The following NDUFA5 variants were observed in gnomAD, a reference collection of about 807,000 sequenced individuals.
NDUFA5 encodes NADH dehydrogenase [ubiquinone] 1 alpha subcomplex subunit 5.
NDUFA5 carries 11 observed loss-of-function variants against 19.8 expected under a neutral mutation model. The ratio of observed to expected loss-of-function variants is 0.56; its 90% CI spans 0.35 to 0.92. NDUFA5 has a LOEUF of 0.92. Ranked by LOEUF, NDUFA5 falls within the 40% of genes least tolerant of loss-of-function variation. The pLI, the probability that NDUFA5 is intolerant of heterozygous loss-of-function variation, is 0.01. For synonymous variants in NDUFA5, 47 were observed against 46.8 expected, an observed-to-expected ratio of 1.00 and a Z score of -0.01; for missense variants, 109 against 134.2, an observed-to-expected ratio of 0.81 and a Z score of 0.93.
chr7:123,595,089 C>T, the NDUFA5 span, among the ~76,000 whole-genome samples: 1 of 152,180 alleles, frequency 6.6e-6, no homozygotes, highest in Non-Finnish European at 1.5e-5. Flanking sequence ...AGCAAGGCTC[C>T]GTGGACGTGG....
upstream of NDUFA5, among the ~76,000 whole-genome samples, chr7:123,558,849 CAG>C (rs1290046931): frequency 6.6e-6 from 1 of 152,048 alleles, no homozygotes; most frequent in African/African-American, 2.4e-5. Flanking sequence ...ATTTATGTTT[CAG>C]ATATACAAAC....
intron 2 of NDUFA5, among the ~76,000 whole-genome samples, chr7:123,554,026 T>C (rs1189502991): frequency 6.6e-6 from 1 of 152,094 alleles, no homozygotes; most frequent in South Asian, 2.1e-4. Flanking sequence ...ACAGCAAACA[T>C]AAGGAAGTGG....
At chr7:123,574,738 G>T in the NDUFA5 span, among the ~76,000 whole-genome samples, 2 of 151,832 alleles carry the variant, frequency 1.3e-5, no homozygotes, top group African/African-American at 4.8e-5. Flanking sequence ...TTGTTCAAAA[G>T]ATCTTACATC....
At chr7:123,562,985 G>C in the NDUFA5 span, among the ~76,000 whole-genome samples, 1 of 151,738 alleles carries the variant, frequency 6.6e-6, no homozygotes, top group Non-Finnish European at 1.5e-5. Context: ...ATTTTTAGTA[G>C]AGACAGGGTT....
intron 3 of NDUFA5, chr7:123,550,120 G>C (rs951297628): frequency 5.7e-6 from 1 of 176,526 alleles, no homozygotes; most frequent in Non-Finnish European, 1.2e-5. Flanking sequence ...TTTTTGTTTT[G>C]CTTTTATTGT....
chr7:123,584,702 A>G, the NDUFA5 span, among the ~76,000 whole-genome samples: 1 of 152,032 alleles, frequency 6.6e-6, no homozygotes, highest in East Asian at 1.9e-4. Context: ...TTAGCTTTCA[A>G]TGTGCCAGAA....
At chr7:123,559,928 C>CA, upstream of NDUFA5, among the ~76,000 whole-genome samples, 2 of 143,074 alleles carry the variant, frequency 1.4e-5, no homozygotes, top group East Asian at 4.1e-4. Context: ...TTAATAAACA[C>CA]AAAATACTCA....
intron 4 of NDUFA5, among the ~76,000 whole-genome samples, chr7:123,543,707 A>G (rs997961121): frequency 1.3e-5 from 2 of 152,228 alleles, no homozygotes; most frequent in Non-Finnish European, 2.9e-5. Context: ...TAATTCCATG[A>G]AAAATTGATG....
At chr7:123,582,666 C>T in the NDUFA5 span, among the ~76,000 whole-genome samples, 1 of 151,868 alleles carries the variant, frequency 6.6e-6, no homozygotes, top group Non-Finnish European at 1.5e-5. Context: ...CTCGAAAACT[C>T]CTTCTTATCC....
chr7:123,544,201 A>G (rs767438387), intron 4 of NDUFA5, among the ~76,000 whole-genome samples: 2 of 152,152 alleles, frequency 1.3e-5, no homozygotes, highest in Non-Finnish European at 2.9e-5. Flanking sequence ...AAATTTCACC[A>G]AATAAAAAAA....
the NDUFA5 span, among the ~76,000 whole-genome samples, chr7:123,564,644 A>G: frequency 6.6e-6 from 1 of 152,112 alleles, no homozygotes; most frequent in African/African-American, 2.4e-5. Context: ...ATACACACAT[A>G]CACACACATA....
chr7:123,558,301 A>C (rs1798635807), upstream of NDUFA5: 1 of 159,210 alleles, frequency 6.3e-6, no homozygotes, highest in Admixed American at 6.1e-5. Flanking sequence ...AGCCCTATGG[A>C]GTGTGAGGTC....
Position 123,545,647 on chromosome 7 carries a change from T to C in NDUFA5, c.213A>G (p.Gln71=), listed in dbSNP as rs1272288227. ...CCTCTTCTAATTGACCGCCTTGAAG[T>C]TGGTCTTCTAATTTTTTAACATCTG... is the stretch of plus-strand genomic sequence containing the variant. ...AEPDVKKLED[Q]LQGGQLEEVI... The change falls in exon 4 of 5, where the codon CAA becomes CAG. Residue 71 remains glutamine (Q), a synonymous_variant. Transcript: ENST00000355749. 5.6e-6 allele frequency: 9 copies of C among 1,610,296 alleles called. No individual in the cohort carries two copies. The highest frequency in any genetic ancestry group is 1.7e-5 in the Admixed American group (1 of 59,824).
At chr7:123,552,871 A>C (rs1379179629) in intron 2 of NDUFA5, among the ~76,000 whole-genome samples, 1 of 152,132 alleles carries the variant, frequency 6.6e-6, no homozygotes, top group Non-Finnish European at 1.5e-5. Flanking sequence ...TTCAGCCCAC[A>C]GCACAAGCAC....
At chr7:123,596,066 C>T in the NDUFA5 span, among the ~76,000 whole-genome samples, 1 of 152,040 alleles carries the variant, frequency 6.6e-6, no homozygotes, top group Non-Finnish European at 1.5e-5. Context: ...AATATTTTTT[C>T]TCAGTACTTA....
chr7:123,596,960 A>G, the NDUFA5 span, among the ~76,000 whole-genome samples: 2 of 152,334 alleles, frequency 1.3e-5, no homozygotes, highest in South Asian at 4.1e-4. Context: ...AGGTACTAAG[A>G]ATAGTGACAA....
intron 4 of NDUFA5, among the ~76,000 whole-genome samples, chr7:123,544,764 TAAAAAA>T (rs61556029): frequency 1.6e-5 from 1 of 61,834 alleles, no homozygotes; most frequent in African/African-American, 6.2e-5. Flanking sequence ...ATGCAAATCT[TAAAAAA>T]AAAAAAAAAA....
upstream of NDUFA5, chr7:123,558,087 G>A (rs1331735488): frequency 1.8e-6 from 1 of 541,304 alleles, no homozygotes. Context: ...AAAGATTGAG[G>A]GAAACACTCC....
chr7:123,581,571 A>G, the NDUFA5 span, among the ~76,000 whole-genome samples: 1 of 151,900 alleles, frequency 6.6e-6, no homozygotes, highest in Non-Finnish European at 1.5e-5. Context: ...GCTTTGCTAC[A>G]TATTAGGTTT....
Sources: gnomAD v4.1 joint callset for allele counts (sites outside exome capture counted in the v4.1 genomes callset) on GRCh38, gnomAD v4.1.1 for gene constraint, MANE v1.5 for transcripts, NCBI Gene and HGNC (gene_info 2026-07-23, HGNC 2026-07-21) for gene names.